The following AFG2A variants were observed in gnomAD, a reference collection of about 807,000 sequenced individuals.
AFG2A encodes AAA ATPase AFG2A, also known as ATPase family gene 2 protein homolog A.
At chr4:123,230,498 C>T in the AFG2A span, among the ~76,000 whole-genome samples, 1 of 151,868 alleles carries the variant, frequency 6.6e-6, no homozygotes, top group African/African-American at 2.4e-5. Context: ...GCAGTTACTT[C>T]CCTCCACTGA....
At chr4:122,981,630 A>G in the AFG2A span, among the ~76,000 whole-genome samples, 3 of 152,006 alleles carry the variant, frequency 2.0e-5, no homozygotes, top group Non-Finnish European at 4.4e-5. Flanking sequence ...ATATTTTAAT[A>G]GTGTTAATTT....
chr4:122,969,597 C>T, the AFG2A span, among the ~76,000 whole-genome samples: 3 of 152,200 alleles, frequency 2.0e-5, no homozygotes, highest in Admixed American at 6.5e-5. Context: ...ATCAATGTGT[C>T]GGGTTCTTCC....
chr4:123,050,939 C>T, the AFG2A span, among the ~76,000 whole-genome samples: 29 of 152,086 alleles, frequency 1.9e-4, no homozygotes, highest in South Asian at 6.0e-3. Flanking sequence ...TGGGGTTTCA[C>T]CAAGTTGGTC....
the AFG2A span, among the ~76,000 whole-genome samples, chr4:123,099,674 T>C: frequency 6.6e-6 from 1 of 151,842 alleles, no homozygotes; most frequent in South Asian, 2.1e-4. Flanking sequence ...GCATACACCA[T>C]CCCCTCTTGA....
the AFG2A span, among the ~76,000 whole-genome samples, chr4:122,971,571 A>G: frequency 4.6e-5 from 7 of 152,266 alleles, no homozygotes; most frequent in East Asian, 1.9e-4. Flanking sequence ...TTGACTTACT[A>G]TACTACATAG....
At chr4:122,945,524 C>T in the AFG2A span, among the ~76,000 whole-genome samples, 9 of 152,320 alleles carry the variant, frequency 5.9e-5, no homozygotes, top group Admixed American at 5.9e-4. Context: ...TGGGAGTGAC[C>T]CGATATTCCA....
At chr4:123,239,742 C>G in the AFG2A span, among the ~76,000 whole-genome samples, 1 of 152,158 alleles carries the variant, frequency 6.6e-6, no homozygotes, top group African/African-American at 2.4e-5. Context: ...ATTGTAAAGA[C>G]CATCGATGCT....
chr4:123,227,993 G>T, the AFG2A span, among the ~76,000 whole-genome samples: 1 of 151,982 alleles, frequency 6.6e-6, no homozygotes, highest in Non-Finnish European at 1.5e-5. Context: ...TTTGATCTTT[G>T]TTGGTTTAAA....
At chr4:122,988,766 T>C in the AFG2A span, among the ~76,000 whole-genome samples, 1 of 152,170 alleles carries the variant, frequency 6.6e-6, no homozygotes, top group Non-Finnish European at 1.5e-5. Context: ...TGTACACTGG[T>C]TCGCTTAATG....
At chr4:123,000,172 T>C in the AFG2A span, among the ~76,000 whole-genome samples, 1 of 150,552 alleles carries the variant, frequency 6.6e-6, no homozygotes, top group African/African-American at 2.5e-5. Flanking sequence ...GGGACTTTGC[T>C]GAAGTTGCTT....
the AFG2A span, among the ~76,000 whole-genome samples, chr4:122,951,322 A>AT: frequency 6.6e-6 from 1 of 152,000 alleles, no homozygotes; most frequent in Non-Finnish European, 1.5e-5. Context: ...ATACTGTGCC[A>AT]TTTTATATAA....
the AFG2A span, among the ~76,000 whole-genome samples, chr4:123,127,692 G>A: frequency 6.6e-6 from 1 of 152,034 alleles, no homozygotes; most frequent in Admixed American, 6.6e-5. Flanking sequence ...TAAATTGCCT[G>A]TTATTAATTA....
the AFG2A span, among the ~76,000 whole-genome samples, chr4:122,998,310 T>A: frequency 1.3e-5 from 2 of 152,138 alleles, no homozygotes; most frequent in South Asian, 2.1e-4. Context: ...TTCATTTTTT[T>A]AAATTTTATT....
the AFG2A span, among the ~76,000 whole-genome samples, chr4:123,107,975 C>G: frequency 6.6e-6 from 1 of 152,188 alleles, no homozygotes; most frequent in Admixed American, 6.5e-5. Context: ...TCCCAGGCCC[C>G]CAAGAACACA....
At chr4:123,003,794 A>T in the AFG2A span, among the ~76,000 whole-genome samples, 1 of 152,122 alleles carries the variant, frequency 6.6e-6, no homozygotes, top group African/African-American at 2.4e-5. Context: ...GCCTGTTCTC[A>T]GATCTCCAGC....
chr4:123,267,449 A>G, the AFG2A span, among the ~76,000 whole-genome samples: 1 of 152,044 alleles, frequency 6.6e-6, no homozygotes, highest in African/African-American at 2.4e-5. Context: ...TAGGTATAGT[A>G]AACATGCTAC....
chr4:123,295,078 G>A, the AFG2A span, among the ~76,000 whole-genome samples: 2 of 152,188 alleles, frequency 1.3e-5, no homozygotes, highest in African/African-American at 4.8e-5. Flanking sequence ...AGCCCCATTA[G>A]CACTGCTACC....
chr4:122,926,737 T>A, the AFG2A span, among the ~76,000 whole-genome samples: 1 of 152,244 alleles, frequency 6.6e-6, no homozygotes. Flanking sequence ...TTAAATTCTC[T>A]AAGTGTTTCA....
chr4:123,303,346 C>G, the AFG2A span, among the ~76,000 whole-genome samples: 4 of 152,092 alleles, frequency 2.6e-5, no homozygotes, highest in Non-Finnish European at 5.9e-5. Flanking sequence ...CATTGCAAGA[C>G]CCCGTCTCCT....
Sources: gnomAD v4.1 joint callset for allele counts (sites outside exome capture counted in the v4.1 genomes callset) on GRCh38, gnomAD v4.1.1 for gene constraint, MANE v1.5 for transcripts, NCBI Gene and HGNC (gene_info 2026-07-23, HGNC 2026-07-21) for gene names.